The following ROR1 variants were observed in gnomAD, a reference collection of about 807,000 sequenced individuals.
ROR1 encodes the protein ROR family WNT receptor 1, also known as inactive tyrosine-protein kinase transmembrane receptor ROR1.
A neutral mutation model predicts 78.8 loss-of-function variants in ROR1; 19 were observed. The ratio of observed to expected loss-of-function variants is 0.24; its 90% confidence interval spans 0.17 to 0.35. The LOEUF (loss-of-function observed/expected upper bound fraction) is 0.35. Ranked by LOEUF, ROR1 falls within the 10% of genes least tolerant of loss-of-function variation. The pLI is 1.00. For missense variants in ROR1, 917 were observed against 1,177.8 expected, an observed-to-expected ratio of 0.78 and a Z score of 3.24; for synonymous variants, 386 against 433.6, an observed-to-expected ratio of 0.89 and a Z score of 1.36.
intron 7 of ROR1, chr1:64,142,921 G>C (rs1649366641): frequency 7.8e-7 from 1 of 1,279,788 alleles, no homozygotes; most frequent in African/African-American, 1.5e-5. Flanking sequence ...GCACAGTTGA[G>C]ACAGTTTATC....
At chr1:63,821,007 C>T (rs1557512789) in intron 1 of ROR1, among the ~76,000 whole-genome samples, 1 of 152,104 alleles carries the variant, frequency 6.6e-6, no homozygotes, top group Non-Finnish European at 1.5e-5. Flanking sequence ...CTTGTTAATG[C>T]TCTATAAGGA....
intron 1 of ROR1, among the ~76,000 whole-genome samples, chr1:63,906,067 G>T (rs187115056): frequency 3.9e-5 from 6 of 152,216 alleles, no homozygotes; most frequent in African/African-American, 1.4e-4. Flanking sequence ...TATAAGCAAA[G>T]GTGGAATACA....
At chr1:63,961,197 G>A (rs952086688) in intron 1 of ROR1, among the ~76,000 whole-genome samples, 1 of 151,796 alleles carries the variant, frequency 6.6e-6, no homozygotes, top group Admixed American at 6.6e-5. Context: ...ACAAATACTG[G>A]CAAGGATGTG....
chr1:63,843,163 A>G, intron 1 of ROR1: 1 of 1,018,574 alleles, frequency 9.8e-7, no homozygotes, highest in Non-Finnish European at 1.5e-6. Context: ...GGGCTGCCAG[A>G]TGCTCCAGGC....
Position 63,998,430 on chromosome 1 carries a change from C to T in ROR1, c.92-10875C>T, listed in dbSNP as rs575810057. Among the ~76,000 whole-genome samples, 9 of 152,022 alleles carry T rather than the reference C, an allele frequency of 5.9e-5. No individual in the cohort carries two copies. The South Asian group carries it at 1.9e-3, about 32-fold the overall frequency. On this transcript the variant is annotated intron_variant, in intron 1 of 8. Transcript: ENST00000371079. ...AGCATCCTTCTGTTTGAGGTCCCAA[C>T]ATGAAAAATATTTTTATTGATATCA...
intron 1 of ROR1, among the ~76,000 whole-genome samples, chr1:63,935,139 C>T (rs1405725546): frequency 6.6e-6 from 1 of 151,758 alleles, no homozygotes; most frequent in Non-Finnish European, 1.5e-5. Context: ...ATTGCCCAAC[C>T]TCCCTCCCCT....
At chr1:63,890,480 C>T (rs575326333) in intron 1 of ROR1, among the ~76,000 whole-genome samples, 1 of 150,956 alleles carries the variant, frequency 6.6e-6, no homozygotes, top group Admixed American at 6.7e-5. Context: ...TTCCTGCCCT[C>T]AGGGAGCTCA....
chr1:64,048,422 C>A (rs535633867), intron 2 of ROR1, among the ~76,000 whole-genome samples: 18 of 152,268 alleles, frequency 1.2e-4, no homozygotes, highest in African/African-American at 4.1e-4. Flanking sequence ...ATGACCAGAA[C>A]ATTCCCATCC....
At chr1:63,872,522 G>T (rs989376950) in intron 1 of ROR1, among the ~76,000 whole-genome samples, 3 of 152,084 alleles carry the variant, frequency 2.0e-5, no homozygotes, top group Non-Finnish European at 4.4e-5. Context: ...AGTGAACGTA[G>T]CTCCTGACAT....
At chr1:63,990,311 C>T (rs759079925) in intron 1 of ROR1, among the ~76,000 whole-genome samples, 5 of 152,136 alleles carry the variant, frequency 3.3e-5, no homozygotes, top group Admixed American at 6.5e-5. Flanking sequence ...GCACTTTGAA[C>T]GTGGGTCTTC....
intron 1 of ROR1, among the ~76,000 whole-genome samples, chr1:63,854,536 G>C (rs1645136219): frequency 6.6e-6 from 1 of 152,318 alleles, no homozygotes; most frequent in African/African-American, 2.4e-5. Context: ...CCTTTCCCTA[G>C]TGGAGTTAAC....
intron 1 of ROR1, among the ~76,000 whole-genome samples, chr1:63,829,476 G>C (rs1368725600): frequency 1.3e-5 from 2 of 152,168 alleles, no homozygotes; most frequent in East Asian, 3.9e-4. Context: ...GACCCTGGAA[G>C]GCTTCCAGGA....
chr1:63,903,230 C>A (rs1182298908), intron 1 of ROR1, among the ~76,000 whole-genome samples: 1 of 152,178 alleles, frequency 6.6e-6, no homozygotes, highest in Non-Finnish European at 1.5e-5. Context: ...ACTTAATCGG[C>A]AGTTAGCTAA....
chr1:64,101,082 AG>A (rs1243283137), intron 4 of ROR1, among the ~76,000 whole-genome samples: 1 of 152,198 alleles, frequency 6.6e-6, no homozygotes, highest in Non-Finnish European at 1.5e-5. Context: ...TGAAATCATG[AG>A]GGTATTTTAC....
intron 4 of ROR1, among the ~76,000 whole-genome samples, chr1:64,059,258 T>C (rs1300097433): frequency 7.9e-5 from 12 of 152,186 alleles, no homozygotes; most frequent in Admixed American, 7.9e-4. Context: ...GAACTAACTT[T>C]CGTTGAAAAC....
At chr1:63,793,191 A>G (rs1251222994) in intron 1 of ROR1, among the ~76,000 whole-genome samples, 1 of 152,216 alleles carries the variant, frequency 6.6e-6, no homozygotes, top group Non-Finnish European at 1.5e-5. Flanking sequence ...TACAGAATGG[A>G]AAAACTCAGG....
rs1649363738 is a variant in ROR1 at position 64,142,823 on chromosome 1, G to A, written c.1174+173G>A. On this transcript the variant is annotated intron_variant, in intron 7 of 8. Coordinates refer to ENST00000371079, the MANE Select transcript of ROR1 (RefSeq NM_005012.4). ...GTTTCTACATAAAACACCTCGTAAG[G>A]TACCAAAACACGTTCTCAAGAAGTC... 4 of 1,427,490 alleles carry A rather than the reference G, an allele frequency of 2.8e-6. No homozygotes were observed. In the African/African-American group the frequency reaches 5.8e-5, roughly 21 times the overall value. 88.4% of individuals were successfully genotyped at this position (1,427,490 alleles called of 1,614,324 possible).
intron 1 of ROR1, among the ~76,000 whole-genome samples, chr1:63,944,156 C>A (rs751480530): frequency 3.3e-5 from 5 of 152,132 alleles, no homozygotes; most frequent in Non-Finnish European, 7.3e-5. Context: ...AATAAACTTG[C>A]TGGAATGTGA....
chr1:64,099,901 A>G (rs185183342), intron 4 of ROR1, among the ~76,000 whole-genome samples: 2 of 152,250 alleles, frequency 1.3e-5, no homozygotes, highest in East Asian at 3.9e-4. Context: ...TAAAAAATAC[A>G]AAAATTAGCT....
Sources: allele counts gnomAD v4.1 joint callset (sites outside exome capture counted in the v4.1 genomes callset), GRCh38; gene constraint gnomAD v4.1.1; transcripts MANE v1.5; gene names NCBI Gene and HGNC (gene_info 2026-07-23, HGNC 2026-07-21).